Variants in C12orf42 observed in about 807,000 individuals in gnomAD.
C12orf42 encodes uncharacterized protein C12orf42.
In C12orf42, 25 loss-of-function variants were observed where a neutral mutation model predicts 21.6. The ratio of observed to expected loss-of-function variants is 1.16; its 90% CI spans 0.84 to 1.62. C12orf42 has a LOEUF of 1.62. C12orf42 is among the 40% of genes most tolerant of loss of function. The pLI is 0.00. For missense variants in C12orf42, 483 were observed against 459.3 expected, an observed-to-expected ratio of 1.05 and a Z score of -0.47; for synonymous variants, 174 against 175.0, an observed-to-expected ratio of 0.99 and a Z score of 0.05.
intron 5 of C12orf42, among the ~76,000 whole-genome samples, chr12:103,274,912 T>G (rs1231938639): frequency 6.6e-6 from 1 of 152,194 alleles, no homozygotes; most frequent in African/African-American, 2.4e-5. Flanking sequence ...AGAATTGAAT[T>G]ATCTTTCCTC....
At chr12:103,304,510 G>T (rs553614692) in intron 5 of C12orf42, among the ~76,000 whole-genome samples, 2 of 152,230 alleles carry the variant, frequency 1.3e-5, no homozygotes, top group African/African-American at 4.8e-5. Context: ...TTGGAGGAAA[G>T]AATCTGACAA....
At chr12:103,371,555 A>T (rs570911874) in intron 3 of C12orf42, among the ~76,000 whole-genome samples, 1 of 152,290 alleles carries the variant, frequency 6.6e-6, no homozygotes, top group South Asian at 2.1e-4. Flanking sequence ...ATGAGCTAAA[A>T]TAAGTGAAAG....
At chr12:103,503,776 G>A in the C12orf42 span, 1 of 153,126 alleles carries the variant, frequency 6.5e-6, no homozygotes, top group Non-Finnish European at 1.5e-5. Context: ...CAATTGCACT[G>A]AAGTTTTTCA....
the C12orf42 span, among the ~76,000 whole-genome samples, chr12:103,172,030 A>C: frequency 6.6e-6 from 1 of 152,176 alleles, no homozygotes; most frequent in Non-Finnish European, 1.5e-5. Flanking sequence ...GTAGGGCACA[A>C]GATAGGGCAG....
chr12:103,443,592 C>G (rs1044048154), intron 2 of C12orf42, among the ~76,000 whole-genome samples: 13 of 152,068 alleles, frequency 8.5e-5, no homozygotes, highest in African/African-American at 3.1e-4. Context: ...GAAATCTCTT[C>G]ATTTTTTCAA....
intron 2 of C12orf42, among the ~76,000 whole-genome samples, chr12:103,434,336 G>A (rs887061760): frequency 1.3e-5 from 2 of 152,234 alleles, no homozygotes; most frequent in African/African-American, 2.4e-5. Flanking sequence ...GCTGCACTCT[G>A]TTCTACCCAA....
At chr12:103,254,377 G>T (rs989120218) in intron 10 of C12orf42, among the ~76,000 whole-genome samples, 2 of 152,100 alleles carry the variant, frequency 1.3e-5, no homozygotes, top group Admixed American at 6.5e-5. Flanking sequence ...CCTGAAGTTT[G>T]CTCTTTTTTT....
chr12:103,234,616 T>G (rs1016365139), downstream of C12orf42, among the ~76,000 whole-genome samples: 1 of 152,140 alleles, frequency 6.6e-6, no homozygotes, highest in Non-Finnish European at 1.5e-5. Context: ...TCTTGGACTT[T>G]TTTCCAAAAA....
chr12:103,370,808 G>T (rs11111541), intron 3 of C12orf42, among the ~76,000 whole-genome samples: 1 of 152,050 alleles, frequency 6.6e-6, no homozygotes, highest in African/African-American at 2.4e-5. Flanking sequence ...TGAGGAAGTT[G>T]TCTGTACACC....
chr12:103,140,698 C>G, the C12orf42 span, among the ~76,000 whole-genome samples: 1 of 152,134 alleles, frequency 6.6e-6, no homozygotes, highest in Non-Finnish European at 1.5e-5. Context: ...GAGGCAGAGA[C>G]AAGCTTTATT....
the C12orf42 span, among the ~76,000 whole-genome samples, chr12:103,180,087 A>G: frequency 6.6e-6 from 1 of 152,060 alleles, no homozygotes; most frequent in African/African-American, 2.4e-5. Flanking sequence ...GCTTCCAAAA[A>G]TCAATGATTT....
intron 2 of C12orf42, among the ~76,000 whole-genome samples, chr12:103,457,834 A>G (rs1391731414): frequency 1.3e-5 from 2 of 152,080 alleles, no homozygotes; most frequent in Non-Finnish European, 2.9e-5. Context: ...TACCCCCTTT[A>G]TATTCCAACC....
At chr12:103,557,000 T>C in the C12orf42 span, among the ~76,000 whole-genome samples, 1 of 151,540 alleles carries the variant, frequency 6.6e-6, no homozygotes, top group Non-Finnish European at 1.5e-5. Flanking sequence ...GGAGGGAGTG[T>C]GGCCCTGCCA....
the C12orf42 span, among the ~76,000 whole-genome samples, chr12:103,099,746 C>A: frequency 6.6e-6 from 1 of 152,214 alleles, no homozygotes; most frequent in African/African-American, 2.4e-5. Context: ...CAAATAGGAC[C>A]AATTCTCAAC....
intron 2 of C12orf42, among the ~76,000 whole-genome samples, chr12:103,462,037 A>G (rs544387775): frequency 3.1e-4 from 47 of 151,136 alleles, no homozygotes; most frequent in African/African-American, 1.0e-3. Context: ...ATGCTAATCA[A>G]TCTAACAATC....
At chr12:103,493,743 T>C (rs1260313774) in intron 1 of C12orf42, among the ~76,000 whole-genome samples, 1 of 143,526 alleles carries the variant, frequency 7.0e-6, no homozygotes, top group Admixed American at 6.9e-5. Context: ...AAAAAAACCT[T>C]AGAGATAAGA....
chr12:103,436,217 C>A (rs1301089746), intron 2 of C12orf42, among the ~76,000 whole-genome samples: 1 of 148,916 alleles, frequency 6.7e-6, no homozygotes, highest in East Asian at 2.0e-4. Context: ...ATTTTGTCAC[C>A]ACCAGGCCTG....
At chr12:103,377,393 G>C (rs1378632187) in intron 3 of C12orf42, among the ~76,000 whole-genome samples, 1 of 151,970 alleles carries the variant, frequency 6.6e-6, no homozygotes, top group Admixed American at 6.6e-5. Context: ...AAGCATGATG[G>C]GGCAGCCAGC....
chr12:103,383,453 A>ATATTTT, intron 3 of C12orf42, among the ~76,000 whole-genome samples: 1 of 152,132 alleles, frequency 6.6e-6, no homozygotes. Context: ...GAATGCATTG[A>ATATTTT]AACAATCCCC....
Sources: gnomAD v4.1 joint callset for allele counts (sites outside exome capture counted in the v4.1 genomes callset) on GRCh38, gnomAD v4.1.1 for gene constraint, MANE v1.5 for transcripts, NCBI Gene and HGNC (gene_info 2026-07-23, HGNC 2026-07-21) for gene names.